The following NCOR1 variants were observed in gnomAD, a reference collection of about 807,000 sequenced individuals.
The protein encoded by NCOR1 is nuclear receptor corepressor 1.
A neutral mutation model predicts 288.1 loss-of-function variants in NCOR1; 63 were observed. The observed-to-expected ratio is 0.22, with a 90% CI of 0.18 to 0.27. NCOR1 has a LOEUF of 0.27. Ranked by LOEUF, NCOR1 falls within the 10% of genes least tolerant of loss-of-function variation. The pLI is 1.00. For missense variants in NCOR1, 2,397 were observed against 3,019.2 expected (o/e 0.79, Z 4.83); for synonymous variants, 1,007 against 1,065.9 (o/e 0.94, Z 1.08).
At position 16,030,255 on chromosome 17, in the gene NCOR1, G is replaced by A. The variant is rs1418867439; in HGVS notation, c.*2041C>T. 1.7e-5 allele frequency: 4 copies of A among 230,046 alleles called. No homozygotes were observed. The highest frequency in any genetic ancestry group is 6.4e-5 in the East Asian group (1 of 15,712). The allele number at this position is 230,046 out of a possible 1,614,324, so 14.3% of individuals were successfully genotyped here. Reference sequence around the variant, plus strand: ...AGGTCTTCATCCTTGTCATCTTCATGTTGAATAGGCTGAGGATGAGAAGGG... The same window carrying A: ...AGGTCTTCATCCTTGTCATCTTCATATTGAATAGGCTGAGGATGAGAAGGG... On this transcript the variant is annotated 3_prime_UTR_variant, in exon 46 of 46. Transcript: ENST00000268712.
intron 15 of NCOR1, among the ~76,000 whole-genome samples, chr17:16,124,225 A>G (rs2153175842): frequency 6.6e-6 from 1 of 150,948 alleles, no homozygotes; most frequent in Non-Finnish European, 1.5e-5. Context: ...CTATAGATAT[A>G]ACATAATAAA....
chr17:16,199,277 T>C (rs1001030387), intron 1 of NCOR1, among the ~76,000 whole-genome samples: 1 of 144,478 alleles, frequency 6.9e-6, no homozygotes, highest in African/African-American at 2.6e-5. Flanking sequence ...CCTACTAGCA[T>C]ACAAATTTAC....
chr17:16,137,531 AAC>A, intron 13 of NCOR1, 119 bp from the exon 14 acceptor site: 1 of 550,868 alleles, frequency 1.8e-6, no homozygotes, highest in Non-Finnish European at 3.1e-6. Flanking sequence ...GAAAAAGAAC[AAC>A]ATACATTGCT....
intron 3 of NCOR1, among the ~76,000 whole-genome samples, chr17:16,173,564 C>A (rs1252560274): frequency 6.6e-6 from 1 of 151,382 alleles, no homozygotes; most frequent in Non-Finnish European, 1.5e-5. Context: ...TTGGAGGATA[C>A]AAAATCAACA....
intron 6 of NCOR1, among the ~76,000 whole-genome samples, chr17:16,157,255 C>T (rs921154803): frequency 1.3e-5 from 2 of 152,116 alleles, no homozygotes; most frequent in Non-Finnish European, 1.5e-5. Context: ...CCTTCCCTTC[C>T]TTTACTGGAT....
At chr17:16,183,692 T>C (rs1020665739) in intron 3 of NCOR1, among the ~76,000 whole-genome samples, 7 of 152,068 alleles carry the variant, frequency 4.6e-5, no homozygotes, top group African/African-American at 1.7e-4. Context: ...TCAACACAAT[T>C]CTTATTAAAA....
Position 16,139,021 on chromosome 17 carries a change from T to G in NCOR1, c.1339A>C (p.Ile447Leu). 1 of 1,562,768 alleles carries G rather than the reference T, an allele frequency of 6.4e-7. No individual in the cohort carries two copies. Among genetic ancestry groups the G allele is most frequent in the Non-Finnish European group, 8.7e-7 (1 of 1,152,070 alleles). The change falls in exon 12 of 46, where the codon ATC (isoleucine) becomes CTC (leucine). Residue 447 changes from isoleucine to leucine, a missense_variant. Ile to Leu is a conservative substitution (Grantham distance 5). Around this residue, in one of 11 missense-constraint regions of NCOR1, gnomAD observed 80 missense variants for 100.3 expected, o/e 0.80. Transcript: ENST00000268712. ...AATATAAATTACTTGTCCTTAAAGA[T>G]CTCCTTTTCATGGTCAGTCCAAACA... ...MNVWTDHEKE[I>L]FKDKFIQHPK...
At chr17:16,059,049 CAAAAAAAAA>C (rs57820388) in intron 37 of NCOR1, among the ~76,000 whole-genome samples, 19 of 17,444 alleles carry the variant, frequency 1.1e-3, no homozygotes, top group Admixed American at 3.9e-3. Context: ...AACTCCGTCT[CAAAAAAAAA>C]AAAAAAAAAA....
In NCOR1 at chr17:16,127,586, T is replaced by TATATGTATGTATACATACATATGTGC. The variant is rs1568206387; in HGVS notation, c.1510-1381_1510-1380insGCACATATGTATGTATACATACATAT. On this transcript the variant is annotated intron_variant, in intron 14 of 45. Transcript: ENST00000268712. ...ATATGTATGTATATATACATATGTGTATATATGTATGTATACATACATATG... is the reference window on the plus strand; with the variant it reads ...ATATGTATGTATATATACATATGTGTATATGTATGTATACATACATATGTGCATATATGTATGTATACATACATATG... Among the ~76,000 whole-genome samples the TATATGTATGTATACATACATATGTGC allele has an allele frequency of 9.4e-3, 1,243 of 132,390 alleles. 54 individuals are homozygous for TATATGTATGTATACATACATATGTGC. The highest frequency in any genetic ancestry group is 0.015 in the African/African-American group (518 of 34,026). 86.9% of individuals were successfully genotyped at this position (132,390 alleles called of 152,430 possible).
intron 19 of NCOR1, among the ~76,000 whole-genome samples, chr17:16,102,998 T>C (rs1026209224): frequency 6.6e-6 from 1 of 152,244 alleles, no homozygotes; most frequent in South Asian, 2.1e-4. Flanking sequence ...TTTCACAGAT[T>C]TTTAATTTAA....
chr17:16,106,874 TA>T (rs1568055013), intron 19 of NCOR1, among the ~76,000 whole-genome samples: 98 of 58,000 alleles, frequency 1.7e-3, no homozygotes, highest in African/African-American at 8.3e-3. Flanking sequence ...TATATATATA[TA>T]TATATATATT....
intron 33 of NCOR1, 61 bp from the exon 34 acceptor site, chr17:16,065,080 GAC>G: frequency 6.7e-7 from 1 of 1,492,128 alleles, no homozygotes; most frequent in Non-Finnish European, 9.1e-7. Context: ...AACCATACAT[GAC>G]TTTGGATTTT....
intron 1 of NCOR1, among the ~76,000 whole-genome samples, chr17:16,210,878 T>C (rs1379301820): frequency 6.6e-6 from 1 of 152,056 alleles, no homozygotes; most frequent in Non-Finnish European, 1.5e-5. Context: ...TACAGGTGCG[T>C]GCCATCATGC....
At chr17:16,173,522 A>C (rs985416487) in intron 3 of NCOR1, among the ~76,000 whole-genome samples, 11 of 152,334 alleles carry the variant, frequency 7.2e-5, no homozygotes, top group Middle Eastern at 3.4e-3. Flanking sequence ...CAAAAAAAAA[A>C]CTATTAGAGC....
chr17:16,061,189 TAC>T (rs1348559470), intron 37 of NCOR1, among the ~76,000 whole-genome samples: 9 of 152,332 alleles, frequency 5.9e-5, no homozygotes, highest in Non-Finnish European at 1.3e-4. Flanking sequence ...ACATGAATGA[TAC>T]AGTTTTCTTG....
intron 45 of NCOR1, among the ~76,000 whole-genome samples, 182 bp from the exon 46 acceptor site, chr17:16,032,665 A>C (rs184662766): frequency 4.6e-5 from 7 of 152,358 alleles, no homozygotes; most frequent in Non-Finnish European, 8.8e-5. Flanking sequence ...CCAATGATAT[A>C]TAGCAGTCAG....
intron 1 of NCOR1, among the ~76,000 whole-genome samples, chr17:16,200,495 CAAAAAAAAAAA>C (rs55957034): frequency 2.1e-4 from 13 of 60,700 alleles, no homozygotes; most frequent in African/African-American, 7.4e-4. Context: ...GACTCCATCT[CAAAAAAAAAAA>C]AAAAAAAAAA....
chr17:16,041,796 G>A (rs1022159848), intron 42 of NCOR1, among the ~76,000 whole-genome samples: 10 of 151,732 alleles, frequency 6.6e-5, no homozygotes, highest in East Asian at 1.9e-4. Context: ...GAGTGCAGCG[G>A]TGCGATCTTG....
rs139528500 is a variant in NCOR1, at chr17:16,190,280, C to A, written c.109-3593G>T. ...AACCATCACTGAAGTTTTAAGGCTACTAACTTTTGAGAATTTAAGAACTCA... is the reference window on the plus strand; with the variant it reads ...AACCATCACTGAAGTTTTAAGGCTAATAACTTTTGAGAATTTAAGAACTCA... On this transcript the variant is annotated intron_variant, in intron 2 of 45. Coordinates refer to ENST00000268712, the MANE Select transcript of NCOR1 (RefSeq NM_006311.4). 2.8e-3 allele frequency among the ~76,000 whole-genome samples: 428 copies of A among 152,114 alleles called. 3 individuals are homozygous for A. The highest frequency in any genetic ancestry group is 9.5e-3 in the African/African-American group (395 of 41,518).
Sources: allele counts gnomAD v4.1 joint callset (sites outside exome capture counted in the v4.1 genomes callset), GRCh38; gene constraint gnomAD v4.1.1; regional missense constraint gnomAD v4.1.1; transcripts MANE v1.5; gene names NCBI Gene and HGNC (gene_info 2026-07-23, HGNC 2026-07-21).